The following DOK6 variants were observed in gnomAD, a reference collection of about 807,000 sequenced individuals.
The protein encoded by DOK6 is docking protein 6, also known as downstream of tyrosine kinase 6.
A neutral mutation model predicts 44.0 loss-of-function variants in DOK6; 22 were observed. That is an observed-to-expected ratio of 0.50 (90% CI 0.36 to 0.71). The LOEUF is 0.71. Ranked by LOEUF, DOK6 falls within the 30% of genes least tolerant of loss-of-function variation. DOK6 has a pLI of 0.00. For synonymous variants in DOK6, 166 were observed against 145.5 expected, an observed-to-expected ratio of 1.14 and a Z score of -1.01; for missense variants, 340 against 416.4, an observed-to-expected ratio of 0.82 and a Z score of 1.60.
intron 1 of DOK6, among the ~76,000 whole-genome samples, chr18:69,561,971 T>C (rs1206617709): frequency 6.6e-6 from 1 of 152,088 alleles, no homozygotes; most frequent in Non-Finnish European, 1.5e-5. Context: ...AGAAGAGAAA[T>C]ATTGTGATCT....
chr18:69,623,988 G>A (rs1599227812), intron 3 of DOK6, among the ~76,000 whole-genome samples: 1 of 152,180 alleles, frequency 6.6e-6, no homozygotes, highest in Non-Finnish European at 1.5e-5. Context: ...CTTTGGCACT[G>A]AGTGAAACCT....
chr18:69,509,439 C>T (rs113568468), intron 1 of DOK6, among the ~76,000 whole-genome samples: 5,310 of 152,052 alleles, frequency 0.035, 154 homozygotes, highest in African/African-American at 0.082. Flanking sequence ...AGATCGAGAC[C>T]ATCCTGGCTA....
At chr18:69,426,403 C>T (rs775200460) in intron 1 of DOK6, among the ~76,000 whole-genome samples, 4 of 152,060 alleles carry the variant, frequency 2.6e-5, no homozygotes, top group South Asian at 4.2e-4. Flanking sequence ...AAATTAGAAA[C>T]GTAATTATAT....
intron 6 of DOK6, among the ~76,000 whole-genome samples, chr18:69,750,168 G>C (rs181453570): frequency 1.4e-3 from 208 of 151,630 alleles, no homozygotes; most frequent in African/African-American, 4.5e-3. Flanking sequence ...GAACAACACT[G>C]TTTCTTGAAA....
intron 5 of DOK6, among the ~76,000 whole-genome samples, chr18:69,714,938 C>T (rs760471061): frequency 9.2e-5 from 14 of 152,076 alleles, no homozygotes; most frequent in Non-Finnish European, 1.8e-4. Context: ...CAAATCATAC[C>T]GTAGAAAATT....
chr18:69,555,008 C>T lies in DOK6; in HGVS notation c.67-9479C>T, dbSNP rs537366058. Among the ~76,000 whole-genome samples, 5 of 152,144 alleles carry T rather than the reference C, an allele frequency of 3.3e-5. No homozygotes were observed. The East Asian group carries it at 9.6e-4, about 29-fold the overall frequency. ...TCTTCTTTTGGATTATTTACATATTCTGGATATGTACCCATTTAACAGTTA... is the reference window on the plus strand; with the variant it reads ...TCTTCTTTTGGATTATTTACATATTTTGGATATGTACCCATTTAACAGTTA... On this transcript the variant is annotated intron_variant, in intron 1 of 7. Transcript: ENST00000382713.
At chr18:69,588,933 C>T (rs892307093) in intron 2 of DOK6, among the ~76,000 whole-genome samples, 3 of 151,796 alleles carry the variant, frequency 2.0e-5, no homozygotes, top group Admixed American at 2.0e-4. Context: ...AAGTGGTGAG[C>T]CATGGGAGAA....
chr18:69,629,363 TC>T (rs1486422257), intron 3 of DOK6, among the ~76,000 whole-genome samples: 1 of 152,224 alleles, frequency 6.6e-6, no homozygotes, highest in Non-Finnish European at 1.5e-5. Context: ...TTATTTTTTT[TC>T]AATCATACTC....
chr18:69,404,113 T>C (rs973800211), intron 1 of DOK6, among the ~76,000 whole-genome samples: 10 of 152,238 alleles, frequency 6.6e-5, no homozygotes, highest in South Asian at 4.1e-4. Context: ...ATGAGGCCGA[T>C]TGCATCAGAG....
intron 3 of DOK6, among the ~76,000 whole-genome samples, chr18:69,672,618 A>G (rs1433950402): frequency 1.3e-5 from 2 of 149,314 alleles, no homozygotes; most frequent in African/African-American, 4.9e-5. Context: ...TCAGCCTGCC[A>G]AAGTGCTGGG....
intron 1 of DOK6, among the ~76,000 whole-genome samples, chr18:69,452,676 A>C (rs1458461465): frequency 6.7e-6 from 1 of 148,494 alleles, no homozygotes; most frequent in Admixed American, 6.8e-5. Context: ...AATACTGGCA[A>C]ACCGAATCCA....
intron 7 of DOK6, among the ~76,000 whole-genome samples, chr18:69,819,148 C>G (rs894160830): frequency 6.6e-6 from 1 of 152,124 alleles, no homozygotes; most frequent in African/African-American, 2.4e-5. Context: ...AACTCTTTTT[C>G]TATTGTGGAG....
intron 7 of DOK6, among the ~76,000 whole-genome samples, chr18:69,758,641 A>G (rs1751665195): frequency 6.6e-6 from 1 of 152,220 alleles, no homozygotes; most frequent in African/African-American, 2.4e-5. Context: ...GAAGCAAGAA[A>G]CTAGAAACTA....
At chr18:69,467,581 A>T (rs934206303) in intron 1 of DOK6, among the ~76,000 whole-genome samples, 9 of 152,170 alleles carry the variant, frequency 5.9e-5, no homozygotes, top group African/African-American at 2.2e-4. Flanking sequence ...ACTAATTTAT[A>T]TTTGGCTCAT....
chr18:69,595,916 G>T (rs1490748865), intron 2 of DOK6, among the ~76,000 whole-genome samples: 3 of 152,042 alleles, frequency 2.0e-5, no homozygotes, highest in East Asian at 3.9e-4. Context: ...AGAGATTTTT[G>T]CCCTAGAAGA....
At chr18:69,555,542 A>C (rs1982666143) in intron 1 of DOK6, among the ~76,000 whole-genome samples, 1 of 152,192 alleles carries the variant, frequency 6.6e-6, no homozygotes, top group Non-Finnish European at 1.5e-5. Context: ...GTCATAAATC[A>C]AATATCCATA....
intron 3 of DOK6, among the ~76,000 whole-genome samples, chr18:69,604,976 G>C (rs1366467291): frequency 6.6e-6 from 1 of 151,576 alleles, no homozygotes; most frequent in Non-Finnish European, 1.5e-5. Flanking sequence ...AATGAGTGTC[G>C]CTTCTCCTTG....
intron 4 of DOK6, among the ~76,000 whole-genome samples, chr18:69,682,784 A>G (rs1023931376): frequency 2.6e-5 from 4 of 152,248 alleles, no homozygotes; most frequent in African/African-American, 9.6e-5. Context: ...ATGCCAAAAT[A>G]AAAACAAAAG....
At position 69,597,067 on chromosome 18, in the gene DOK6, T is replaced by A. The variant is rs1047128245; in HGVS notation, c.175-2317T>A. On this transcript the variant is annotated intron_variant, in intron 2 of 7. Coordinates refer to ENST00000382713, the MANE Select transcript of DOK6 (RefSeq NM_152721.6). ...CTTCTTTAAAAGATATAAAATTATA[T>A]AAATTAATTAAAATTATAAATATGA... Among the ~76,000 whole-genome samples the A allele has an allele frequency of 2.6e-5, 4 of 151,980 alleles. No homozygotes were observed. In the South Asian group the frequency reaches 8.3e-4, roughly 32 times the overall value.
Sources: allele counts gnomAD v4.1 joint callset (sites outside exome capture counted in the v4.1 genomes callset), GRCh38; gene constraint gnomAD v4.1.1; transcripts MANE v1.5; gene names NCBI Gene and HGNC (gene_info 2026-07-23, HGNC 2026-07-21).